The following NUP107 variants were observed in gnomAD, a reference collection of about 807,000 sequenced individuals.
NUP107 encodes the protein nucleoporin 107, also known as nuclear pore complex protein Nup107.
In NUP107, 101 loss-of-function variants were observed where a neutral mutation model predicts 141.0. That is an observed-to-expected ratio of 0.72 (90% confidence interval 0.61 to 0.84). NUP107 has a LOEUF of 0.84. NUP107 is among the 40% of genes least tolerant of loss of function. The pLI is 0.00. For synonymous variants in NUP107, 319 were observed against 363.9 expected (o/e 0.88, Z 1.41); for missense variants, 941 against 1,102.7 (o/e 0.85, Z 2.08).
intron 6 of NUP107, among the ~76,000 whole-genome samples, chr12:68,697,274 A>G (rs985467881): frequency 3.3e-5 from 5 of 151,950 alleles, no homozygotes; most frequent in Non-Finnish European, 7.4e-5. Flanking sequence ...CAAGAAATAC[A>G]TTTGCCAAGC....
At chr12:68,735,207 G>T (rs748143089) in intron 25 of NUP107, 24 bp from the exon 26 acceptor site, 1 of 1,424,352 alleles carries the variant, frequency 7.0e-7, no homozygotes, top group East Asian at 2.3e-5. Flanking sequence ...TCCATTATAT[G>T]TCTGCCTTGT....
At chr12:68,691,091 T>A (rs1022102811) in intron 4 of NUP107, among the ~76,000 whole-genome samples, 1 of 152,080 alleles carries the variant, frequency 6.6e-6, no homozygotes, top group Non-Finnish European at 1.5e-5. Flanking sequence ...AAATATGATA[T>A]TTGATGTAAA....
In NUP107 at chr12:68,715,660, C is replaced by T. The variant is rs368948908; in HGVS notation, c.1003C>T (p.Leu335Phe). The change falls in exon 12 of 28, where the codon CTT (leucine) becomes TTT (phenylalanine). Residue 335 changes from leucine to phenylalanine, a missense_variant. Physicochemically the swap from Leu to Phe is conservative, Grantham distance 22 (BLOSUM62 0). Transcript: ENST00000229179. ...TGCTCCCATAAGACAGAAAATGCCC[C>T]TTGATGATCTGGATAGAGAAGATGA... ...PDAPIRQKMPLDDLDREDEVR... is the reference protein window; with the variant it reads ...PDAPIRQKMPFDDLDREDEVR... 1.1e-5 allele frequency: 17 copies of T among 1,612,944 alleles called. No homozygotes were observed. In the African/African-American group the frequency reaches 2.1e-4, roughly 20 times the overall value.
intron 14 of NUP107, among the ~76,000 whole-genome samples, chr12:68,720,554 G>A (rs11177339): frequency 0.22 from 33,076 of 152,040 alleles, 4,213 homozygotes; most frequent in Middle Eastern, 0.3. Flanking sequence ...GGTCAGGACC[G>A]GTGATTAGAA....
Position 68,702,724 on chromosome 12 carries a change from AT to A in NUP107, c.681-7del. The A allele has an allele frequency of 2.6e-6, 4 of 1,526,140 alleles. No homozygotes were observed. Among genetic ancestry groups the A allele is most frequent in the Admixed American group, 4.2e-5 (2 of 47,266 alleles). The allele number at this position is 1,526,140 out of a possible 1,614,324, so 94.5% of individuals were successfully genotyped here. The stretch of plus-strand genomic sequence containing the variant: ...AAATAAGGCTTTTTTATTTTGTCTT[AT>A]TTTTCCCCAGAGACAGAATACAGTC... On this transcript the variant is annotated splice_polypyrimidine_tract_variant and intron_variant, in intron 7 of 27. Coordinates refer to ENST00000229179, the MANE Select transcript of NUP107 (RefSeq NM_020401.4).
At chr12:68,697,194 A>T (rs187224352) in intron 6 of NUP107, among the ~76,000 whole-genome samples, 22 of 152,240 alleles carry the variant, frequency 1.4e-4, no homozygotes, top group African/African-American at 4.1e-4. Context: ...TTGGGAGGCC[A>T]AAGCAGAAGG....
intron 20 of NUP107, among the ~76,000 whole-genome samples, chr12:68,730,232 T>TTTTTTTTTTTTG: frequency 6.9e-6 from 1 of 145,424 alleles, no homozygotes. Flanking sequence ...TTTTTTTTTT[T>TTTTTTTTTTTTG]TTTGAGAGAG....
intron 26 of NUP107, chr12:68,740,298 A>T (rs1878271409): frequency 6.6e-6 from 1 of 152,242 alleles, no homozygotes; most frequent in Non-Finnish European, 1.5e-5. Flanking sequence ...CTAGGTTGGG[A>T]TCACTAATAT....
chr12:68,701,146 A>G (rs1330341468), intron 7 of NUP107, among the ~76,000 whole-genome samples: 1 of 152,246 alleles, frequency 6.6e-6, no homozygotes, highest in East Asian at 1.9e-4. Context: ...ACTTCATGTA[A>G]TATGGAAGTT....
chr12:68,741,699 C>T, intron 26 of NUP107, 114 bp from the exon 27 acceptor site: 3 of 821,628 alleles, frequency 3.7e-6, no homozygotes, highest in Middle Eastern at 3.5e-4. Flanking sequence ...TACTTTTTTG[C>T]TGTTAAATCT....
At chr12:68,735,094 C>G in intron 25 of NUP107, 137 bp from the exon 26 acceptor site, 2 of 722,232 alleles carry the variant, frequency 2.8e-6, no homozygotes, top group Non-Finnish European at 4.7e-6. Flanking sequence ...TCTGTTGATA[C>G]TTATTTTTGT....
intron 26 of NUP107, among the ~76,000 whole-genome samples, chr12:68,736,663 C>T (rs921689192): frequency 6.6e-6 from 1 of 151,636 alleles, no homozygotes; most frequent in African/African-American, 2.4e-5. Context: ...GCTGTCCTCC[C>T]ACCTTGGCCT....
intron 26 of NUP107, among the ~76,000 whole-genome samples, chr12:68,736,346 C>T (rs542911620): frequency 6.6e-6 from 1 of 152,014 alleles, no homozygotes; most frequent in Non-Finnish European, 1.5e-5. Flanking sequence ...GGCAGGACAG[C>T]GAACTAAATT....
At chr12:68,691,671 CA>C (rs972252921) in intron 4 of NUP107, among the ~76,000 whole-genome samples, 4 of 151,572 alleles carry the variant, frequency 2.6e-5, no homozygotes, top group Admixed American at 1.3e-4. Context: ...CCATACCTAC[CA>C]AAAATACAAA....
At chr12:68,734,590 T>A in intron 24 of NUP107, 118 bp from the exon 25 acceptor site, 2 of 798,362 alleles carry the variant, frequency 2.5e-6, no homozygotes, top group Non-Finnish European at 3.9e-6. Context: ...ATTGAACAGT[T>A]TTATTTCTTG....
intron 6 of NUP107, among the ~76,000 whole-genome samples, chr12:68,698,985 A>G (rs1225211538): frequency 1.3e-5 from 2 of 152,148 alleles, no homozygotes; most frequent in African/African-American, 4.8e-5. Context: ...CAGATATACC[A>G]TTCTAGTGTT....
chr12:68,723,662 T>G (rs12312673), intron 17 of NUP107, among the ~76,000 whole-genome samples: 7,639 of 152,280 alleles, frequency 0.05, 641 homozygotes, highest in African/African-American at 0.17. Context: ...TAATTCATAC[T>G]TCCACAAGTA....
rs781617870 is a variant in NUP107 at position 68,696,887 on chromosome 12, C to G, written c.517C>G (p.Leu173Val). 1 of 1,606,880 alleles carries G rather than the reference C, an allele frequency of 6.2e-7. No homozygotes were observed. Among genetic ancestry groups the G allele is most frequent in the Non-Finnish European group, 8.5e-7 (1 of 1,177,004 alleles). Residue 173 changes from leucine to valine, a missense_variant, in exon 6 of 28, where the codon CTT becomes GTT. Leu to Val is a conservative substitution (Grantham distance 32). Transcript: ENST00000229179. ...GCACTCTTCGAGTACAGTTTTTGAT[C>G]TTGTGGAAGAGTATGAAAACATCTG... ...LKHSSSTVFD[L>V]VEEYENICGS...
At chr12:68,715,594 A>T (rs747056778) in intron 11 of NUP107, 33 bp from the exon 12 acceptor site, 1 of 1,164,016 alleles carries the variant, frequency 8.6e-7, no homozygotes, top group South Asian at 1.2e-5. Context: ...CAAAGGATTT[A>T]TGGTTGATGA....
Sources: gnomAD v4.1 joint callset for allele counts (sites outside exome capture counted in the v4.1 genomes callset) on GRCh38, gnomAD v4.1.1 for gene constraint, MANE v1.5 for transcripts, NCBI Gene and HGNC (gene_info 2026-07-23, HGNC 2026-07-21) for gene names.